ADPRH: variants seen among roughly 807,000 people sequenced by gnomAD.
The protein encoded by ADPRH is ADP-ribosylarginine hydrolase, also known as ADP-ribose-L-arginine cleaving enzyme.
Under a neutral mutation model 28.8 loss-of-function variants are expected in ADPRH, and 27 were observed. The observed-to-expected ratio is 0.94, with a 90% CI of 0.69 to 1.29. ADPRH has a LOEUF of 1.29. ADPRH is among the 50% of genes most tolerant of loss of function. The probability of loss-of-function intolerance (pLI) is 0.00; values close to 1 mark genes in which losing one functional copy is unlikely to be tolerated. For missense variants in ADPRH, 419 were observed against 444.8 expected (o/e 0.94, Z 0.52); for synonymous variants, 161 against 166.9 (o/e 0.96, Z 0.27).
At position 119,580,547 on chromosome 3, in the gene ADPRH, C is replaced by A. The variant is rs1182774618; in HGVS notation, c.-122-4C>A. 6.6e-6 allele frequency: 1 copy of A among 152,220 alleles called. No individual in the cohort carries two copies. Among genetic ancestry groups the A allele is most frequent in the Non-Finnish European group, 1.5e-5 (1 of 68,056 alleles). 9.4% of individuals were successfully genotyped at this position (152,220 alleles called of 1,614,324 possible). On this transcript the variant is annotated splice_region_variant and splice_polypyrimidine_tract_variant and intron_variant, in intron 1 of 4. Coordinates refer to ENST00000357003, the MANE Select transcript of ADPRH (RefSeq NM_001125.4). Reference sequence around the variant, plus strand: ...TCCATCTTCGTCGTTTACTCCTTCTCCAGGGGCTCTCCAGCCTGCATTCCA... The same window carrying A: ...TCCATCTTCGTCGTTTACTCCTTCTACAGGGGCTCTCCAGCCTGCATTCCA...
chr3:119,588,252 A>T lies in ADPRH; in HGVS notation c.*374A>T, dbSNP rs2082483916. The stretch of plus-strand genomic sequence containing the variant: ...AAAGATCTGAATGCAAGCAGTTTAT[A>T]TGGGAGATGATTCCAGGAAATACCG... On this transcript the variant is annotated 3_prime_UTR_variant, in exon 5 of 5. Transcript: ENST00000357003. 6.1e-6 allele frequency: 1 copy of T among 162,676 alleles called. No homozygotes were observed. The highest frequency in any genetic ancestry group is 2.4e-5 in the African/African-American group (1 of 41,832). 10.1% of individuals were successfully genotyped at this position (162,676 alleles called of 1,614,324 possible). A position where few individuals can be genotyped will look rare whatever the true frequency, so the allele number is the denominator to read the frequency against.
chr3:119,586,369 G>T lies in ADPRH; in HGVS notation c.383G>T (p.Gly128Val), dbSNP rs369779554. 9.9e-6 allele frequency: 16 copies of T among 1,614,246 alleles called. No homozygotes were observed. The highest frequency in any genetic ancestry group is 1.4e-5 in the Non-Finnish European group (16 of 1,180,056). The change falls in exon 4 of 5, where the codon GGC (glycine) becomes GTC (valine). Residue 128 changes from glycine (G) to valine (V), a missense_variant. By Grantham distance (109) the Gly-to-Val change is moderately radical. Coordinates refer to ENST00000357003, the MANE Select transcript of ADPRH (RefSeq NM_001125.4). The stretch of plus-strand genomic sequence containing the variant: ...ATTCCCTTCAACAGCCATGAGGGCG[G>T]CTGTGGGGCTGCCATGCGGGCCATG... Reference protein sequence around the residue: ...WRIPFNSHEGGCGAAMRAMCI... With the variant: ...WRIPFNSHEGVCGAAMRAMCI...
chr3:119,582,564 A>T, intron 3 of ADPRH, 97 bp downstream of exon 3: 1 of 1,310,984 alleles, frequency 7.6e-7, no homozygotes, highest in Non-Finnish European at 1.1e-6. Flanking sequence ...TAACAGAGAC[A>T]ATAGTGTTTG....
chr3:119,581,618 G>A (rs2082405434), intron 2 of ADPRH, among the ~76,000 whole-genome samples: 1 of 152,164 alleles, frequency 6.6e-6, no homozygotes, highest in East Asian at 1.9e-4. Flanking sequence ...TTTCTTATCT[G>A]TGAAATGCAT....
chr3:119,585,495 G>A (rs996611558), intron 3 of ADPRH, among the ~76,000 whole-genome samples: 1 of 152,098 alleles, frequency 6.6e-6, no homozygotes, highest in East Asian at 1.9e-4. Flanking sequence ...ATTTTTGGCC[G>A]CTTTCTTTCT....
At chr3:119,585,179 G>A (rs2082446454) in intron 3 of ADPRH, among the ~76,000 whole-genome samples, 1 of 152,104 alleles carries the variant, frequency 6.6e-6, no homozygotes, top group South Asian at 2.1e-4. Flanking sequence ...TCCTTTCTCG[G>A]CATCTGATAG....
rs1340247420 is a variant in ADPRH at position 119,587,535 on chromosome 3, C to G, written c.731C>G (p.Thr244Ser). ...RGILDGESAP[T>S]FPESFGVKER... ...ATTTTGGATGGAGAATCAGCCCCTA[C>G]CTTCCCTGAGTCTTTCGGTGTGAAG... The change falls in exon 5 of 5, where the codon ACC becomes AGC. Residue 244 changes from threonine to serine, a missense_variant. By Grantham distance (58) the Thr-to-Ser change is moderately conservative (BLOSUM62 1). Transcript: ENST00000357003. The G allele has an allele frequency of 6.2e-7, 1 of 1,608,172 alleles. No individual in the cohort carries two copies. The highest frequency in any genetic ancestry group is 8.5e-7 in the Non-Finnish European group (1 of 1,176,904).
Position 119,588,816 on chromosome 3 carries a change from CTGTT to C in ADPRH, c.*941_*944del, listed in dbSNP as rs1374045479. ...AACACATTACCAATTTTGTTATTGTCTGTTTGCTTGTTTGCATTATTTCTAAACA... is the reference window on the plus strand; with the variant it reads ...AACACATTACCAATTTTGTTATTGTCTGCTTGTTTGCATTATTTCTAAACA... On this transcript the variant is annotated 3_prime_UTR_variant, in exon 5 of 5. Transcript: ENST00000357003. 1.3e-5 allele frequency: 2 copies of C among 152,272 alleles called. No homozygotes were observed. The highest frequency in any genetic ancestry group is 4.8e-5 in the African/African-American group (2 of 41,464). 9.4% of individuals were successfully genotyped at this position (152,272 alleles called of 1,614,324 possible).
intron 3 of ADPRH, among the ~76,000 whole-genome samples, chr3:119,584,519 C>T (rs1234132780): frequency 3.9e-5 from 6 of 152,072 alleles, no homozygotes; most frequent in African/African-American, 7.2e-5. Context: ...GCCAAGATCG[C>T]GCCATTGGAC....
In ADPRH at chr3:119,586,635, C is replaced by T. The variant is rs963728263; in HGVS notation, c.649C>T (p.Leu217Phe). 3.1e-6 allele frequency: 5 copies of T among 1,613,570 alleles called. No individual in the cohort carries two copies. Among genetic ancestry groups the T allele is most frequent in the Admixed American group, 1.7e-5 (1 of 59,882 alleles). The change falls in exon 4 of 5, where the codon CTT (leucine) becomes TTT (phenylalanine). Residue 217 changes from leucine (L) to phenylalanine (F), a missense_variant. Coordinates refer to ENST00000357003, the MANE Select transcript of ADPRH (RefSeq NM_001125.4). ...ATCAGGCTACTTTGTAGAGGAAAATCTTCAACACTGGTGAGTCTGTAAGCG... is the reference window on the plus strand; with the variant it reads ...ATCAGGCTACTTTGTAGAGGAAAATTTTCAACACTGGTGAGTCTGTAAGCG... ...VQSGYFVEEN[L>F]QHWSYFQTKW...
Position 119,584,395 on chromosome 3 carries a change from T to C in ADPRH, c.299-1890T>C, listed in dbSNP as rs1390458084. On this transcript the variant is annotated intron_variant, in intron 3 of 4. Coordinates refer to ENST00000357003, the MANE Select transcript of ADPRH (RefSeq NM_001125.4). Reference sequence around the variant, plus strand: ...CTGACCAACATGGTGAAATCCCATCTCTACTAAAAATTAAAAAATTAGCTG... The same window carrying C: ...CTGACCAACATGGTGAAATCCCATCCCTACTAAAAATTAAAAAATTAGCTG... Among the ~76,000 whole-genome samples, 3 of 152,020 alleles carry C rather than the reference T, an allele frequency of 2.0e-5. No individual in the cohort carries two copies. The East Asian group carries it at 5.8e-4, about 30-fold the overall frequency.
chr3:119,580,777 C>T (rs1285007391), intron 2 of ADPRH, 141 bp downstream of exon 2: 1 of 152,120 alleles, frequency 6.6e-6, no homozygotes, highest in Non-Finnish European at 1.5e-5. Flanking sequence ...AGAAGGGAAC[C>T]CTGAGGAATT....
At chr3:119,580,858 T>C (rs1427410582) in intron 2 of ADPRH, among the ~76,000 whole-genome samples, 1 of 152,124 alleles carries the variant, frequency 6.6e-6, no homozygotes, top group Middle Eastern at 3.2e-3. Context: ...ATTTCATTCA[T>C]GGTGGGTATA....
chr3:119,584,537 T>G (rs1331806028), intron 3 of ADPRH, among the ~76,000 whole-genome samples: 1 of 152,130 alleles, frequency 6.6e-6, no homozygotes, highest in Non-Finnish European at 1.5e-5. Flanking sequence ...GACTCCAGCC[T>G]GGGCGACAGA....
Position 119,588,691 on chromosome 3 carries a change from G to T in ADPRH, c.*813G>T, listed in dbSNP as rs2082488418. On this transcript the variant is annotated 3_prime_UTR_variant, in exon 5 of 5. Transcript: ENST00000357003. ...AATCTATCACCTCTATTGCCTTCTT[G>T]CACTGAGGATTTTTCAGCTGGATTT... The T allele has an allele frequency of 6.6e-6, 1 of 152,222 alleles. No individual in the cohort carries two copies. The highest frequency in any genetic ancestry group is 2.4e-5 in the African/African-American group (1 of 41,432). The allele number at this position is 152,222 out of a possible 1,614,324, so 9.4% of individuals were successfully genotyped here. A position where few individuals can be genotyped will look rare whatever the true frequency, so the allele number is the denominator to read the frequency against.
chr3:119,582,314 G>A lies in ADPRH; in HGVS notation c.145G>A (p.Gly49Arg), dbSNP rs755379487. The change falls in exon 3 of 5, where the codon GGA (glycine) becomes AGA (arginine). Residue 49 changes from glycine to arginine, a missense_variant. Gly to Arg is a moderately radical substitution (Grantham distance 125). Coordinates refer to ENST00000357003, the MANE Select transcript of ADPRH (RefSeq NM_001125.4). ...GGGCGGCTTGGATGCCCTAGACGTG[G>A]GAAGGTGGAGAGTTAGTGACGACAC... The part of the protein sequence containing the change: ...QLGGLDALDV[G>R]RWRVSDDTVM... The A allele has an allele frequency of 6.2e-7, 1 of 1,614,198 alleles. No individual in the cohort carries two copies. The highest frequency in any genetic ancestry group is 1.1e-5 in the South Asian group (1 of 91,082).
chr3:119,585,722 TG>T (rs1024687517), intron 3 of ADPRH, among the ~76,000 whole-genome samples: 18 of 152,172 alleles, frequency 1.2e-4, no homozygotes, highest in African/African-American at 4.3e-4. Flanking sequence ...GCTAGTTTTT[TG>T]TATTTTTAGT....
chr3:119,581,287 C>T (rs1392778431), intron 2 of ADPRH, among the ~76,000 whole-genome samples: 2 of 152,108 alleles, frequency 1.3e-5, no homozygotes, highest in Non-Finnish European at 2.9e-5. Flanking sequence ...AGGCTGGTCT[C>T]GATCTCCTGA....
rs979446631 is a variant in ADPRH, at chr3:119,588,071, C to A, written c.*193C>A. On this transcript the variant is annotated 3_prime_UTR_variant, in exon 5 of 5. Coordinates refer to ENST00000357003, the MANE Select transcript of ADPRH (RefSeq NM_001125.4). ...CTTCCAGAATCTATCCCTTTTCTTA[C>A]ACTGAAGAGTCCTTTAGCTCAATTG... 3.9e-6 allele frequency: 2 copies of A among 509,870 alleles called. No homozygotes were observed. Among genetic ancestry groups the A allele is most frequent in the African/African-American group, 3.9e-5 (2 of 51,250 alleles). The allele number at this position is 509,870 out of a possible 1,614,324, so 31.6% of individuals were successfully genotyped here. A position where few individuals can be genotyped will look rare whatever the true frequency, so the allele number is the denominator to read the frequency against.
Sources: gnomAD v4.1 joint callset for allele counts (sites outside exome capture counted in the v4.1 genomes callset) on GRCh38, gnomAD v4.1.1 for gene constraint, MANE v1.5 for transcripts, NCBI Gene and HGNC (gene_info 2026-07-23, HGNC 2026-07-21) for gene names.